The following PI4KA variants were observed in gnomAD, a reference collection of about 807,000 sequenced individuals.
PI4KA encodes PI4-kinase alpha.
In PI4KA, 122 loss-of-function variants were observed where a neutral mutation model predicts 271.4. The observed-to-expected ratio is 0.45, with a 90% confidence interval of 0.39 to 0.52. The LOEUF is 0.52. PI4KA is among the 20% of genes least tolerant of loss of function. The pLI is 0.00. For synonymous variants in PI4KA, 1,041 were observed against 1,078.8 expected, an observed-to-expected ratio of 0.96 and a Z score of 0.69; for missense variants, 1,969 against 2,769.1, an observed-to-expected ratio of 0.71 and a Z score of 6.48.
intron 39 of PI4KA, 49 bp downstream of exon 39, chr22:20,729,264 C>G: frequency 6.4e-7 from 1 of 1,552,024 alleles, no homozygotes; most frequent in Non-Finnish European, 8.8e-7. Flanking sequence ...GCACCCTGCG[C>G]TGGACCTCTG....
intron 32 of PI4KA, among the ~76,000 whole-genome samples, chr22:20,741,552 G>A (rs530873771): frequency 5.3e-5 from 8 of 152,022 alleles, no homozygotes; most frequent in Non-Finnish European, 7.3e-5. Context: ...TTATAAAATA[G>A]CAGGCAAATG....
intron 14 of PI4KA, among the ~76,000 whole-genome samples, chr22:20,800,591 G>A (rs1263447391): frequency 3.3e-5 from 5 of 151,490 alleles, no homozygotes; most frequent in South Asian, 2.1e-4. Context: ...AGCCAGGCAC[G>A]GTGGCTCACA....
At chr22:20,716,699 C>T (rs1159812938) in intron 45 of PI4KA, among the ~76,000 whole-genome samples, 1 of 152,138 alleles carries the variant, frequency 6.6e-6, no homozygotes, top group Non-Finnish European at 1.5e-5. Flanking sequence ...TCTGTGCATG[C>T]CCCCTGCAGT....
At chr22:20,773,284 G>A (rs1285734770) in intron 19 of PI4KA, among the ~76,000 whole-genome samples, 1 of 123,494 alleles carries the variant, frequency 8.1e-6, no homozygotes, top group East Asian at 2.4e-4. Flanking sequence ...CCACTCAGGA[G>A]GCTGAGGCAG....
intron 3 of PI4KA, among the ~76,000 whole-genome samples, chr22:20,833,672 T>C (rs1924501359): frequency 6.7e-6 from 1 of 149,532 alleles, no homozygotes; most frequent in Admixed American, 6.6e-5. Context: ...TTTTTTTTTT[T>C]TTTTTTGAGA....
chr22:20,736,114 C>G (rs1394001853), intron 32 of PI4KA, among the ~76,000 whole-genome samples: 1 of 151,998 alleles, frequency 6.6e-6, no homozygotes, highest in African/African-American at 2.4e-5. Context: ...GTGTGACAGA[C>G]CAGGTGGCCA....
At chr22:20,708,495 C>T (rs1049464684) in intron 54 of PI4KA, among the ~76,000 whole-genome samples, 87 of 148,466 alleles carry the variant, frequency 5.9e-4, no homozygotes, top group Non-Finnish European at 8.3e-4. Flanking sequence ...TCAGCAAGAG[C>T]TCCTTCCGTG....
At chr22:20,798,394 A>C in intron 17 of PI4KA, 190 bp downstream of exon 17, 1 of 576,040 alleles carries the variant, frequency 1.7e-6, no homozygotes, top group Non-Finnish European at 3.1e-6. Flanking sequence ...TCGTGCGCTG[A>C]GATGCTCAGT....
chr22:20,796,966 TCCA>T (rs749548081), intron 17 of PI4KA, among the ~76,000 whole-genome samples: 278 of 152,300 alleles, frequency 1.8e-3, no homozygotes, highest in Middle Eastern at 0.01. Flanking sequence ...CTCTGTCATG[TCCA>T]AGCGGCACGA....
At chr22:20,780,587 C>T (rs1321393783) in intron 19 of PI4KA, among the ~76,000 whole-genome samples, 3 of 151,994 alleles carry the variant, frequency 2.0e-5, no homozygotes, top group African/African-American at 7.3e-5. Context: ...GACCAACAGA[C>T]CAACATGGTG....
intron 13 of PI4KA, among the ~76,000 whole-genome samples, chr22:20,802,310 AGT>A (rs1370542878): frequency 6.6e-6 from 1 of 152,264 alleles, no homozygotes; most frequent in Non-Finnish European, 1.5e-5. Context: ...AGAATATTCA[AGT>A]TAGAAAGTGA....
intron 23 of PI4KA, among the ~76,000 whole-genome samples, chr22:20,756,626 A>T (rs897335348): frequency 6.7e-6 from 1 of 149,328 alleles, no homozygotes; most frequent in African/African-American, 2.5e-5. Flanking sequence ...GCATCTAAGG[A>T]GATTAAAAAA....
At chr22:20,767,468 T>A (rs1329950827) in intron 19 of PI4KA, among the ~76,000 whole-genome samples, 1 of 151,640 alleles carries the variant, frequency 6.6e-6, no homozygotes, top group African/African-American at 2.4e-5. Context: ...TATAATAAAT[T>A]AATTATTTTT....
chr22:20,826,201 G>A (rs1970308369), intron 3 of PI4KA, among the ~76,000 whole-genome samples: 1 of 152,056 alleles, frequency 6.6e-6, no homozygotes. Context: ...AAATTAGCCG[G>A]GTGTAGTGGC....
At chr22:20,735,958 G>A (rs1477227499) in intron 32 of PI4KA, among the ~76,000 whole-genome samples, 1 of 152,234 alleles carries the variant, frequency 6.6e-6, no homozygotes, top group Non-Finnish European at 1.5e-5. Context: ...CCTGGTGGCT[G>A]CCTCTGTGCC....
chr22:20,814,035 G>A (rs1325555231), intron 7 of PI4KA, among the ~76,000 whole-genome samples: 1 of 152,218 alleles, frequency 6.6e-6, no homozygotes, highest in African/African-American at 2.4e-5. Flanking sequence ...CTGACCTCAA[G>A]TGATCCACCT....
In PI4KA at chr22:20,709,933, G is replaced by A. The variant is rs781648535; in HGVS notation, c.6148C>T (p.Arg2050Cys). Residue 2050 changes from arginine to cysteine, a missense_variant, in exon 53 of 55, where the codon CGC becomes TGC. Arg to Cys is a radical substitution (Grantham distance 180). Coordinates refer to ENST00000255882, the MANE Select transcript of PI4KA (RefSeq NM_058004.4). ...TTCAAGAGCTTGATTGTCTGGCCGCGAAAACAGGGCAGGCCCGTGTCCAAC... is the reference window on the plus strand; with the variant it reads ...TTCAAGAGCTTGATTGTCTGGCCGCAAAAACAGGGCAGGCCCGTGTCCAAC... ...LMLDTGLPCFRGQTIKLLKHR... is the reference protein window; with the variant it reads ...LMLDTGLPCFCGQTIKLLKHR... 1.2e-6 allele frequency: 2 copies of A among 1,612,696 alleles called. No individual in the cohort carries two copies. The highest frequency in any genetic ancestry group is 1.3e-5 in the African/African-American group (1 of 74,956).
At chr22:20,779,966 G>T (rs776775377) in intron 19 of PI4KA, 5 of 1,614,204 alleles carry the variant, frequency 3.1e-6, no homozygotes, top group Non-Finnish European at 4.2e-6. Context: ...GGTACACACT[G>T]CGGTCAGTCA....
intron 44 of PI4KA, among the ~76,000 whole-genome samples, chr22:20,718,084 C>T (rs1601323832): frequency 6.6e-6 from 1 of 152,188 alleles, no homozygotes; most frequent in African/African-American, 2.4e-5. Flanking sequence ...CGCTAGCTCC[C>T]GTCCTTCATC....
Sources: allele counts gnomAD v4.1 joint callset (sites outside exome capture counted in the v4.1 genomes callset), GRCh38; gene constraint gnomAD v4.1.1; transcripts MANE v1.5; gene names NCBI Gene and HGNC (gene_info 2026-07-23, HGNC 2026-07-21).